The following LIPC variants were observed in gnomAD, a reference collection of about 807,000 sequenced individuals.
LIPC encodes lipase C, hepatic type, also known as hepatic triacylglycerol lipase.
A neutral mutation model predicts 50.7 loss-of-function variants in LIPC; 44 were observed. The ratio of observed to expected loss-of-function variants is 0.87; its 90% CI spans 0.68 to 1.11. The LOEUF (loss-of-function observed/expected upper bound fraction) is 1.11. LIPC is among the 50% of genes most tolerant of loss of function. LIPC has a pLI of 0.00. For missense variants in LIPC, 697 were observed against 648.2 expected, an observed-to-expected ratio of 1.08 and a Z score of -0.82; for synonymous variants, 271 against 256.4, an observed-to-expected ratio of 1.06 and a Z score of -0.54.
chr15:58,544,436 C>T (rs1163026215), intron 4 of LIPC, among the ~76,000 whole-genome samples: 1 of 116,134 alleles, frequency 8.6e-6, no homozygotes, highest in Non-Finnish European at 1.6e-5. Flanking sequence ...CATTCTGTTG[C>T]CCAGGCTACA....
intron 1 of LIPC, among the ~76,000 whole-genome samples, chr15:58,536,581 G>A (rs1213307742): frequency 1.3e-5 from 2 of 152,148 alleles, no homozygotes; most frequent in Non-Finnish European, 2.9e-5. Context: ...AGCAGTGCAA[G>A]GTGACACCCC....
intron 1 of LIPC, among the ~76,000 whole-genome samples, chr15:58,494,553 GAC>G (rs1891701624): frequency 6.6e-6 from 1 of 152,220 alleles, no homozygotes; most frequent in African/African-American, 2.4e-5. Context: ...GCAGATATAA[GAC>G]AACATGGTTT....
chr15:58,509,024 G>A (rs1892250891), intron 1 of LIPC, among the ~76,000 whole-genome samples: 1 of 152,150 alleles, frequency 6.6e-6, no homozygotes, highest in African/African-American at 2.4e-5. Flanking sequence ...TTTAAGAACT[G>A]CTAAAGGAAT....
At chr15:58,472,938 G>C (rs1251957416) in intron 1 of LIPC, among the ~76,000 whole-genome samples, 1 of 152,188 alleles carries the variant, frequency 6.6e-6, no homozygotes, top group Admixed American at 6.5e-5. Flanking sequence ...AGAGGGGAAG[G>C]GAATCATCTG....
At chr15:58,529,032 C>A (rs1308131317) in intron 1 of LIPC, among the ~76,000 whole-genome samples, 11 of 152,152 alleles carry the variant, frequency 7.2e-5, no homozygotes, top group Non-Finnish European at 1.3e-4. Context: ...AGGTCCTCTG[C>A]CCCCACCCCT....
chr15:58,439,701 C>T (rs1415993361), intron 1 of LIPC, among the ~76,000 whole-genome samples: 2 of 152,190 alleles, frequency 1.3e-5, no homozygotes, highest in African/African-American at 4.8e-5. Flanking sequence ...CTCAGCCTCC[C>T]AAAGTGCTGG....
intron 1 of LIPC, among the ~76,000 whole-genome samples, chr15:58,483,584 TCA>T (rs1289927432): frequency 6.6e-6 from 1 of 152,174 alleles, no homozygotes; most frequent in Non-Finnish European, 1.5e-5. Context: ...CATCCAGCAT[TCA>T]CAGTCCATTG....
At chr15:58,490,843 G>A (rs1342736484) in intron 1 of LIPC, among the ~76,000 whole-genome samples, 2 of 152,146 alleles carry the variant, frequency 1.3e-5, no homozygotes, top group African/African-American at 4.8e-5. Flanking sequence ...AGGGAGGAGG[G>A]CAGCACTTGC....
chr15:58,465,482 T>A (rs1371575583), intron 1 of LIPC, among the ~76,000 whole-genome samples: 1 of 152,168 alleles, frequency 6.6e-6, no homozygotes, highest in Non-Finnish European at 1.5e-5. Flanking sequence ...ATTACAGTGA[T>A]CAATTATAGA....
At position 58,542,587 on chromosome 15, in the gene LIPC, T is replaced by C. The variant is rs1338767438; in HGVS notation, c.510T>C (p.Gly170=). ...SHVHLIGYSL[G]AHVSGFAGSS... ...TTCACCTAATTGGGTACAGCCTGGG[T>C]GCACACGTGTCAGGATTTGCCGGCA... The change falls in exon 4 of 9, where the codon GGT becomes GGC. Residue 170 remains glycine, a synonymous_variant. Coordinates refer to ENST00000299022, the MANE Select transcript of LIPC (RefSeq NM_000236.3). The C allele has an allele frequency of 1.2e-6, 2 of 1,613,832 alleles. No individual in the cohort carries two copies. Among genetic ancestry groups the C allele is most frequent in the African/African-American group, 2.7e-5 (2 of 74,916 alleles).
chr15:58,513,287 C>G (rs1043130151), intron 1 of LIPC, among the ~76,000 whole-genome samples: 7 of 152,230 alleles, frequency 4.6e-5, no homozygotes, highest in South Asian at 2.1e-4. Flanking sequence ...AGGCTTCAGT[C>G]AGAAAACATT....
chr15:58,488,424 G>T (rs1450308297), intron 1 of LIPC, among the ~76,000 whole-genome samples: 1 of 152,200 alleles, frequency 6.6e-6, no homozygotes, highest in Non-Finnish European at 1.5e-5. Context: ...ATCAATCCCT[G>T]TTAGGCACTA....
intron 8 of LIPC, among the ~76,000 whole-genome samples, chr15:58,567,206 AAAT>A (rs1199385453): frequency 7.8e-6 from 1 of 128,044 alleles, no homozygotes; most frequent in African/African-American, 2.8e-5. Context: ...GTCTCAAAAA[AAAT>A]AAAAAATATA....
intron 5 of LIPC, among the ~76,000 whole-genome samples, chr15:58,547,854 G>A (rs1237974459): frequency 6.6e-6 from 1 of 152,068 alleles, no homozygotes; most frequent in Non-Finnish European, 1.5e-5. Context: ...GAGTGCCACG[G>A]GATTGTCTCG....
intron 6 of LIPC, among the ~76,000 whole-genome samples, chr15:58,557,675 G>A (rs899717481): frequency 1.3e-5 from 2 of 152,040 alleles, no homozygotes; most frequent in Non-Finnish European, 1.5e-5. Context: ...GTGAGCCACC[G>A]CGCCCGGCCT....
At chr15:58,498,177 C>T (rs1185184012) in intron 1 of LIPC, among the ~76,000 whole-genome samples, 5 of 152,250 alleles carry the variant, frequency 3.3e-5, no homozygotes, top group African/African-American at 1.2e-4. Flanking sequence ...CCTAATTCTT[C>T]CTCTACCATC....
intron 1 of LIPC, among the ~76,000 whole-genome samples, chr15:58,505,729 C>A (rs1437258138): frequency 6.6e-6 from 1 of 152,196 alleles, no homozygotes; most frequent in African/African-American, 2.4e-5. Context: ...TCTTAGTCAC[C>A]CTCCTTGGAA....
intron 1 of LIPC, among the ~76,000 whole-genome samples, chr15:58,468,425 G>A (rs975656458): frequency 1.3e-5 from 2 of 151,960 alleles, no homozygotes; most frequent in African/African-American, 4.8e-5. Flanking sequence ...GAGAATGAGG[G>A]CCCACAATCT....
At chr15:58,478,332 G>A (rs1366986681) in intron 1 of LIPC, among the ~76,000 whole-genome samples, 3 of 152,118 alleles carry the variant, frequency 2.0e-5, no homozygotes, top group Non-Finnish European at 4.4e-5. Context: ...TCCACCTCCT[G>A]GGTTCAAGCT....
Sources: gnomAD v4.1 joint callset for allele counts (sites outside exome capture counted in the v4.1 genomes callset) on GRCh38, gnomAD v4.1.1 for gene constraint, MANE v1.5 for transcripts, NCBI Gene and HGNC (gene_info 2026-07-23, HGNC 2026-07-21) for gene names.